Variants in DDB2 observed in about 807,000 individuals in gnomAD.
The protein encoded by DDB2 is damage specific DNA binding protein 2.
In DDB2, 27 loss-of-function variants were observed where a neutral mutation model predicts 50.5. The observed-to-expected ratio is 0.53, with a 90% confidence interval of 0.39 to 0.74. The LOEUF is 0.74. Among genes scored for constraint, DDB2 ranks in the 30% least tolerant of loss-of-function variants. The pLI is 0.00. For missense variants in DDB2, 424 were observed against 545.6 expected (o/e 0.78, Z 2.22); for synonymous variants, 176 against 205.5 (o/e 0.86, Z 1.23).
At chr11:47,217,223 A>G (rs897834328) in intron 3 of DDB2, 174 bp downstream of exon 3, 1 of 553,130 alleles carries the variant, frequency 1.8e-6, no homozygotes, top group African/African-American at 1.9e-5. Context: ...TAAAAATACA[A>G]AAATTAGCTG....
In DDB2 at chr11:47,234,985, C is replaced by T. The variant is rs373301292; in HGVS notation, c.880+51C>T. The T allele has an allele frequency of 7.5e-6, 12 of 1,598,270 alleles. No individual in the cohort carries two copies. The African/African-American group carries it at 1.5e-4, about 20-fold the overall frequency. On this transcript the variant is annotated intron_variant, in intron 6 of 9. Coordinates refer to ENST00000256996, the MANE Select transcript of DDB2 (RefSeq NM_000107.3). ...CCTGCAGACCCTGCCTGTCTGACCACTGCTGGGGTTTTCCCTCAGTGTGGA... is the reference window on the plus strand; with the variant it reads ...CCTGCAGACCCTGCCTGTCTGACCATTGCTGGGGTTTTCCCTCAGTGTGGA...
chr11:47,216,131 TG>T, intron 1 of DDB2: 1 of 755,250 alleles, frequency 1.3e-6, no homozygotes, highest in Admixed American at 1.8e-5. Context: ...TTACTGTTTG[TG>T]GGAGTGTTTT....
rs549583055 is a variant in DDB2, at chr11:47,228,825, C to T, written c.457-3989C>T. The stretch of plus-strand genomic sequence containing the variant: ...TACATAACTTAGCTAAGCGTGGTGG[C>T]GTGAGCCTGTAATCCCAGGTACTTG... On this transcript the variant is annotated intron_variant, in intron 3 of 9. Transcript: ENST00000256996. 1.8e-4 allele frequency among the ~76,000 whole-genome samples: 27 copies of T among 151,608 alleles called. 1 individual carries two copies. In the East Asian group the frequency reaches 3.7e-3, roughly 21 times the overall value.
At chr11:47,238,230 T>G (rs1402821090) in intron 9 of DDB2, 47 bp downstream of exon 9, 1 of 1,550,152 alleles carries the variant, frequency 6.5e-7, no homozygotes, top group Non-Finnish European at 8.8e-7. Context: ...CGATCCTACT[T>G]CCCAAGGTTC....
At chr11:47,235,111 AT>A in intron 6 of DDB2, 158 bp from the exon 7 acceptor site, 13 of 1,327,800 alleles carry the variant, frequency 9.8e-6, no homozygotes, top group South Asian at 6.0e-5. Flanking sequence ...AGTTTCCAGA[AT>A]TTTTTTGTTG....
At position 47,237,891 on chromosome 11, in the gene DDB2, A is replaced by G; in HGVS notation, c.1078A>G (p.Asn360Asp). Residue 360 changes from asparagine (N) to aspartate (D), a missense_variant, in exon 8 of 10, where the codon AAT becomes GAT. Transcript: ENST00000256996. ...TGTTGTGGGCCGATACCCAGATCCTAATTTCAAAAGTTGTACCCCTTATGA... is the reference window on the plus strand; with the variant it reads ...TGTTGTGGGCCGATACCCAGATCCTGATTTCAAAAGTTGTACCCCTTATGA... ...LIVVGRYPDP[N>D]FKSCTPYELR... The G allele has an allele frequency of 6.2e-7, 1 of 1,614,088 alleles. No individual in the cohort carries two copies. Among genetic ancestry groups the G allele is most frequent in the Non-Finnish European group, 8.5e-7 (1 of 1,180,012 alleles).
At position 47,238,811 on chromosome 11, in the gene DDB2, C is replaced by T; in HGVS notation, c.1246C>T (p.Leu416Phe). 1 of 1,613,780 alleles carries T rather than the reference C, an allele frequency of 6.2e-7. No individual in the cohort carries two copies. Among genetic ancestry groups the T allele is most frequent in the Non-Finnish European group, 8.5e-7 (1 of 1,179,960 alleles). ...CTCACTCTTCCTAGGTTACCACATT[C>T]TCATCTGGAGCCAGGAGGAAGCCAG... is the stretch of plus-strand genomic sequence containing the variant. ...TLASAMGYHI[L>F]IWSQEEARTR... Residue 416 changes from leucine (L) to phenylalanine (F), a missense_variant, in exon 10 of 10, where the codon CTC becomes TTC. Physicochemically the swap from Leu to Phe is conservative, Grantham distance 22. Coordinates refer to ENST00000256996, the MANE Select transcript of DDB2 (RefSeq NM_000107.3).
At chr11:47,218,210 C>A (rs1301628791) in intron 3 of DDB2, among the ~76,000 whole-genome samples, 2 of 152,180 alleles carry the variant, frequency 1.3e-5, no homozygotes, top group East Asian at 3.9e-4. Flanking sequence ...TGATGGGTGT[C>A]TGAGATCTGA....
chr11:47,237,603 T>G, intron 7 of DDB2: 1 of 455,958 alleles, frequency 2.2e-6, no homozygotes, highest in Non-Finnish European at 4.1e-6. Context: ...GCTAATTTTT[T>G]TTTTGGTATT....
chr11:47,220,195 G>A lies in DDB2; in HGVS notation c.456+3146G>A, dbSNP rs566338163. ...TTCAAAGTGTGAGATGGGTGTTCAA[G>A]GAACAAGTGCCAGAAGCCCCCAGAA... On this transcript the variant is annotated intron_variant, in intron 3 of 9. Transcript: ENST00000256996. 3 of 152,432 alleles carry A rather than the reference G, an allele frequency of 2.0e-5. No individual in the cohort carries two copies. In the East Asian group the frequency reaches 5.8e-4, roughly 29 times the overall value. 9.4% of individuals were successfully genotyped at this position (152,432 alleles called of 1,614,324 possible). A position where few individuals can be genotyped will look rare whatever the true frequency, so the allele number is the denominator to read the frequency against.
chr11:47,237,243 C>T (rs992293815), intron 7 of DDB2, among the ~76,000 whole-genome samples: 8 of 152,086 alleles, frequency 5.3e-5, no homozygotes, highest in African/African-American at 1.9e-4. Context: ...GATGTTAAAA[C>T]GTTTACCAGT....
chr11:47,222,015 G>A (rs1056256647), intron 3 of DDB2, among the ~76,000 whole-genome samples: 8 of 152,148 alleles, frequency 5.3e-5, no homozygotes, highest in African/African-American at 1.9e-4. Flanking sequence ...AGAATAAATT[G>A]TACAATTCCA....
intron 3 of DDB2, among the ~76,000 whole-genome samples, chr11:47,222,723 A>G (rs1180471405): frequency 2.6e-5 from 4 of 152,272 alleles, no homozygotes; most frequent in African/African-American, 4.8e-5. Flanking sequence ...TTTGAATGCA[A>G]CATATAAAGC....
chr11:47,214,948 G>A, upstream of DDB2: 3 of 776,250 alleles, frequency 3.9e-6, no homozygotes, highest in South Asian at 3.4e-5. Context: ...GGGTCTCCGA[G>A]ACGGGTGGGG....
intron 1 of DDB2, chr11:47,215,732 C>A: frequency 3.8e-6 from 1 of 261,950 alleles, no homozygotes; most frequent in Non-Finnish European, 7.5e-6. Context: ...CGAGCTGGGG[C>A]TTGTTAATCA....
At chr11:47,235,074 G>C (rs1953705272) in intron 6 of DDB2, 140 bp downstream of exon 6, 1 of 1,271,740 alleles carries the variant, frequency 7.9e-7, no homozygotes, top group Admixed American at 1.9e-5. Flanking sequence ...GAACCTTTGT[G>C]GCTGTGGCTG....
At chr11:47,225,593 A>C (rs368849435) in intron 3 of DDB2, among the ~76,000 whole-genome samples, 7 of 151,880 alleles carry the variant, frequency 4.6e-5, no homozygotes, top group African/African-American at 1.7e-4. Context: ...CTCCATCTCT[A>C]TTTTAAAAAA....
In DDB2 at chr11:47,215,024, T is replaced by G. The variant is rs1328408669; in HGVS notation, c.-113T>G. 6.5e-7 allele frequency: 1 copy of G among 1,530,028 alleles called. No homozygotes were observed. Among genetic ancestry groups the G allele is most frequent in the Non-Finnish European group, 9.0e-7 (1 of 1,108,342 alleles). The allele number at this position is 1,530,028 out of a possible 1,614,324, so 94.8% of individuals were successfully genotyped here. A position where few individuals can be genotyped will look rare whatever the true frequency, so the allele number is the denominator to read the frequency against. ...TGGCGGGAAGTTGGCTTAGCTCGGC[T>G]ACCTGTGGCCCCGCAGTTTTGTAGT... On this transcript the variant is annotated 5_prime_UTR_variant, in exon 1 of 10. Transcript: ENST00000256996.
intron 3 of DDB2, among the ~76,000 whole-genome samples, chr11:47,222,523 G>A (rs1241279535): frequency 6.6e-6 from 1 of 152,078 alleles, no homozygotes; most frequent in Non-Finnish European, 1.5e-5. Context: ...TTAAAATTTT[G>A]TTATAGAGAC....
Sources: gnomAD v4.1 joint callset for allele counts (sites outside exome capture counted in the v4.1 genomes callset) on GRCh38, gnomAD v4.1.1 for gene constraint, MANE v1.5 for transcripts, NCBI Gene and HGNC (gene_info 2026-07-23, HGNC 2026-07-21) for gene names.